OR2T10: variants seen among roughly 807,000 people sequenced by gnomAD.
OR2T10 encodes the protein olfactory receptor 2T10.
For missense variants in OR2T10, 335 were observed against 382.5 expected (o/e 0.88, Z 1.04); for synonymous variants, 125 against 141.8 (o/e 0.88, Z 0.84).
chr1:248,593,781 G>T lies in OR2T10; in HGVS notation c.-13C>A, dbSNP rs1307896019. The stretch of plus-strand genomic sequence containing the variant: ...TGGCCAGCCGCATGCTGTATGATCG[G>T]CTGAAGTGGCTTTACCTGGAGGACA... On this transcript the variant is annotated 5_prime_UTR_variant, in exon 2 of 2. Coordinates refer to ENST00000642090, the MANE Select transcript of OR2T10 (RefSeq NM_001004693.2). 1.4e-6 allele frequency: 2 copies of T among 1,424,020 alleles called. 1 individual carries two copies. Among genetic ancestry groups the T allele is most frequent in the Non-Finnish European group, 1.9e-6 (2 of 1,029,394 alleles). 88.2% of individuals were successfully genotyped at this position (1,424,020 alleles called of 1,614,324 possible).
Position 248,593,435 on chromosome 1 carries a change from A to G in OR2T10, c.334T>C (p.Cys112Arg). 2 of 1,571,776 alleles carry G rather than the reference A, an allele frequency of 1.3e-6. 1 individual carries two copies. The highest frequency in any genetic ancestry group is 3.3e-4 in the Middle Eastern group (2 of 5,974). The change falls in exon 2 of 2, where the codon TGC (cysteine) becomes CGC (arginine). Residue 112 changes from cysteine (C) to arginine (R), a missense_variant. Cys to Arg is a radical substitution (Grantham distance 180). Transcript: ENST00000642090. ...YFYLQLGGAE[C>R]CLLAAMAYDR... The stretch of plus-strand genomic sequence containing the variant: ...TAGGCCATGGCGGCTAGAAGGCAGC[A>G]CTCTGCACCTCCCAACTGCAGGTAG...
At chr1:248,594,732 G>A (rs112558344) in intron 1 of OR2T10, among the ~76,000 whole-genome samples, 3 of 143,528 alleles carry the variant, frequency 2.1e-5, no homozygotes, top group African/African-American at 8.2e-5. Flanking sequence ...AAATGTAATT[G>A]GATTTTACAA....
chr1:248,595,882 A>G (rs1483233088), intron 1 of OR2T10, among the ~76,000 whole-genome samples: 1 of 143,290 alleles, frequency 7.0e-6, no homozygotes, highest in Non-Finnish European at 1.5e-5. Context: ...GTGAAACAGC[A>G]TAGAGGCCCT....
chr1:248,597,506 AAATGT>A lies in OR2T10; in HGVS notation c.-48_-44del, dbSNP rs1660110072. 7.0e-6 allele frequency: 1 copy of A among 143,434 alleles called. No individual in the cohort carries two copies. The highest frequency in any genetic ancestry group is 1.5e-5 in the Non-Finnish European group (1 of 66,344). The allele number at this position is 143,434 out of a possible 1,614,324, so 8.9% of individuals were successfully genotyped here. A position where few individuals can be genotyped will look rare whatever the true frequency, so the allele number is the denominator to read the frequency against. ...TCCTTTCTTACTGGAACAAAGGAAG[AAATGT>A]AATACCCTGAGGAATTTTATTTCCA... On this transcript the variant is annotated 5_prime_UTR_variant, in exon 1 of 2. Transcript: ENST00000642090.
intron 1 of OR2T10, among the ~76,000 whole-genome samples, chr1:248,595,995 C>T (rs1317742201): frequency 2.1e-5 from 3 of 143,150 alleles, no homozygotes; most frequent in Middle Eastern, 3.5e-3. Context: ...ATGTCTGTCC[C>T]GTCAAATAAA....
chr1:248,593,605 A>G lies in OR2T10; in HGVS notation c.164T>C (p.Leu55Pro), dbSNP rs1372302528. The G allele has an allele frequency of 6.4e-7, 1 of 1,565,680 alleles. No homozygotes were observed. Among genetic ancestry groups the G allele is most frequent in the East Asian group, 2.3e-5 (1 of 43,560 alleles). The part of the protein sequence containing the change: ...LILLIHIDSS[L>P]HTPMYFFINQ... Reference sequence around the variant, plus strand: ...TATAAAGAAGTACATGGGAGTATGCAGAGAGGAGTCAATGTGGATCAGAAG... The same window carrying G: ...TATAAAGAAGTACATGGGAGTATGCGGAGAGGAGTCAATGTGGATCAGAAG... The change falls in exon 2 of 2, where the codon CTG becomes CCG. Residue 55 changes from leucine to proline, a missense_variant. By Grantham distance (98) the Leu-to-Pro change is moderately conservative. Transcript: ENST00000642090.
chr1:248,593,340 G>A lies in OR2T10; in HGVS notation c.429C>T (p.Leu143=). 2.5e-6 allele frequency: 4 copies of A among 1,573,386 alleles called. No individual in the cohort carries two copies. Among genetic ancestry groups the A allele is most frequent in the Non-Finnish European group, 3.5e-6 (4 of 1,157,100 alleles). The change falls in exon 2 of 2, where the codon CTC becomes CTT. Residue 143 remains leucine (L), a synonymous_variant. Coordinates refer to ENST00000642090, the MANE Select transcript of OR2T10 (RefSeq NM_001004693.2). The stretch of plus-strand genomic sequence containing the variant: ...CCACAAACCAGCAGCCTGATGCCAG[G>A]AGGAGACATACCCTATGGCTCATGA... The part of the protein sequence containing the change: ...SVLMSHRVCL[L]LASGCWFVGS...
At chr1:248,597,037 A>AT (rs1185509887) in intron 1 of OR2T10, among the ~76,000 whole-genome samples, 1 of 143,916 alleles carries the variant, frequency 6.9e-6, no homozygotes, top group East Asian at 2.0e-4. Flanking sequence ...AGAGGAAAAA[A>AT]TGTTTATAAT....
At chr1:248,595,354 T>C (rs944744247) in intron 1 of OR2T10, among the ~76,000 whole-genome samples, 1 of 143,948 alleles carries the variant, frequency 6.9e-6, no homozygotes, top group Non-Finnish European at 1.5e-5. Context: ...GCTTTTCTTA[T>C]GTAACCTTTT....
rs2103087108 is a variant in OR2T10, at chr1:248,590,855, C to A, written c.*1975G>T. Reference sequence around the variant, plus strand: ...TGATTTTTCATACATTTAAGTTTTGCACAAATCTAAACTGTATATTACATT... The same window carrying A: ...TGATTTTTCATACATTTAAGTTTTGAACAAATCTAAACTGTATATTACATT... On this transcript the variant is annotated 3_prime_UTR_variant, in exon 2 of 2. Transcript: ENST00000642090. The A allele has an allele frequency of 7.2e-6, 1 of 139,410 alleles. No homozygotes were observed. The highest frequency in any genetic ancestry group is 2.0e-4 in the East Asian group (1 of 4,984). The allele number at this position is 139,410 out of a possible 1,614,324, so 8.6% of individuals were successfully genotyped here.
Position 248,592,077 on chromosome 1 carries a change from G to A in OR2T10, c.*753C>T, listed in dbSNP as rs1660017401. On this transcript the variant is annotated 3_prime_UTR_variant, in exon 2 of 2. Transcript: ENST00000642090. Reference sequence around the variant, plus strand: ...TCCATATTTCTCTGGTTAAGTCTATGAATAAACCAATTATACTCCAAACAT... The same window carrying A: ...TCCATATTTCTCTGGTTAAGTCTATAAATAAACCAATTATACTCCAAACAT... 6.9e-6 allele frequency: 1 copy of A among 143,986 alleles called. No individual in the cohort carries two copies. Among genetic ancestry groups the A allele is most frequent in the Non-Finnish European group, 1.5e-5 (1 of 66,448 alleles). The allele number at this position is 143,986 out of a possible 1,614,324, so 8.9% of individuals were successfully genotyped here. A position where few individuals can be genotyped will look rare whatever the true frequency, so the allele number is the denominator to read the frequency against.
At position 248,593,788 on chromosome 1, in the gene OR2T10, T is replaced by A; in HGVS notation, c.-20A>T. The A allele has an allele frequency of 2.2e-6, 3 of 1,338,728 alleles. No homozygotes were observed. The highest frequency in any genetic ancestry group is 2.4e-5 in the South Asian group (2 of 81,870). 82.9% of individuals were successfully genotyped at this position (1,338,728 alleles called of 1,614,324 possible). Reference sequence around the variant, plus strand: ...CCGCATGCTGTATGATCGGCTGAAGTGGCTTTACCTGGAGGACAAAAGTAA... The same window carrying A: ...CCGCATGCTGTATGATCGGCTGAAGAGGCTTTACCTGGAGGACAAAAGTAA... On this transcript the variant is annotated 5_prime_UTR_variant, in exon 2 of 2. Coordinates refer to ENST00000642090, the MANE Select transcript of OR2T10 (RefSeq NM_001004693.2).
rs189074733 is a variant in OR2T10, at chr1:248,594,218, A to G, written c.-28-422T>C. ...GACCCTCAAGAGTCATGTCTGCAAAAAAGGATTAGTAATACTTGTGTTTCT... is the reference window on the plus strand; with the variant it reads ...GACCCTCAAGAGTCATGTCTGCAAAGAAGGATTAGTAATACTTGTGTTTCT... On this transcript the variant is annotated intron_variant, in intron 1 of 1. Coordinates refer to ENST00000642090, the MANE Select transcript of OR2T10 (RefSeq NM_001004693.2). 3.8e-4 allele frequency among the ~76,000 whole-genome samples: 55 copies of G among 143,392 alleles called. 4 individuals are homozygous for G. Among genetic ancestry groups the G allele is most frequent in the Admixed American group, 1.7e-3 (25 of 14,718 alleles). 94.1% of individuals were successfully genotyped at this position (143,392 alleles called of 152,430 possible). A position where few individuals can be genotyped will look rare whatever the true frequency, so the allele number is the denominator to read the frequency against.
At position 248,596,315 on chromosome 1, in the gene OR2T10, C is replaced by T. The variant is rs546542803; in HGVS notation, c.-29+1177G>A. Among the ~76,000 whole-genome samples the T allele has an allele frequency of 4.9e-5, 7 of 143,140 alleles. No homozygotes were observed. The South Asian group carries it at 1.5e-3, about 31-fold the overall frequency. 93.9% of individuals were successfully genotyped at this position (143,140 alleles called of 152,430 possible). On this transcript the variant is annotated intron_variant, in intron 1 of 1. Transcript: ENST00000642090. Reference sequence around the variant, plus strand: ...AGGATAAGACTGGTGCCTGTCAGAGCTAATTAACTCTAGGTCTATGTAAGG... The same window carrying T: ...AGGATAAGACTGGTGCCTGTCAGAGTTAATTAACTCTAGGTCTATGTAAGG...
In OR2T10 at chr1:248,591,079, A is replaced by G. The variant is rs1487447715; in HGVS notation, c.*1751T>C. 7.0e-6 allele frequency: 1 copy of G among 143,420 alleles called. No homozygotes were observed. The highest frequency in any genetic ancestry group is 1.5e-5 in the Non-Finnish European group (1 of 66,334). 8.9% of individuals were successfully genotyped at this position (143,420 alleles called of 1,614,324 possible). A position where few individuals can be genotyped will look rare whatever the true frequency, so the allele number is the denominator to read the frequency against. On this transcript the variant is annotated 3_prime_UTR_variant, in exon 2 of 2. Coordinates refer to ENST00000642090, the MANE Select transcript of OR2T10 (RefSeq NM_001004693.2). Reference sequence around the variant, plus strand: ...ATAATTGGAGTTAGACTCAATCTACATCTAGTTCATCCCTATTACTGAGAC... The same window carrying G: ...ATAATTGGAGTTAGACTCAATCTACGTCTAGTTCATCCCTATTACTGAGAC...
rs1180252925 is a variant in OR2T10, at chr1:248,592,195, T to A, written c.*635A>T. 4.2e-5 allele frequency: 6 copies of A among 144,194 alleles called. No individual in the cohort carries two copies. The highest frequency in any genetic ancestry group is 1.4e-4 in the African/African-American group (5 of 36,740). 8.9% of individuals were successfully genotyped at this position (144,194 alleles called of 1,614,324 possible). ...TGCTCACAGAAAATAAGAATTTGAT[T>A]GAGAACACATTCTAGAAATTCTGAT... On this transcript the variant is annotated 3_prime_UTR_variant, in exon 2 of 2. Coordinates refer to ENST00000642090, the MANE Select transcript of OR2T10 (RefSeq NM_001004693.2).
At position 248,595,396 on chromosome 1, in the gene OR2T10, A is replaced by C. The variant is rs559214007; in HGVS notation, c.-28-1600T>G. Among the ~76,000 whole-genome samples, 48 of 143,426 alleles carry C rather than the reference A, an allele frequency of 3.3e-4. 4 individuals are homozygous for C. Among genetic ancestry groups the C allele is most frequent in the African/African-American group, 1.3e-3 (46 of 36,606 alleles). 94.1% of individuals were successfully genotyped at this position (143,426 alleles called of 152,430 possible). Reference sequence around the variant, plus strand: ...TAATGTACACTTTATATTTTTTATCATTAACTTAAAATTTATAAATAAGAA... The same window carrying C: ...TAATGTACACTTTATATTTTTTATCCTTAACTTAAAATTTATAAATAAGAA... On this transcript the variant is annotated intron_variant, in intron 1 of 1. Transcript: ENST00000642090.
rs1336826579 is a variant in OR2T10, at chr1:248,597,415, TTAA to T, written c.-29+74_-29+76del. 3.5e-5 allele frequency: 5 copies of T among 143,088 alleles called. 2 individuals carry two copies. The highest frequency in any genetic ancestry group is 1.4e-4 in the African/African-American group (5 of 36,480). 8.9% of individuals were successfully genotyped at this position (143,088 alleles called of 1,614,324 possible). ...TATATATTAACTGTTACATTGGTGATTAATATCAATTGATAATATAATTCTATA... is the reference window on the plus strand; with the variant it reads ...TATATATTAACTGTTACATTGGTGATTATCAATTGATAATATAATTCTATA... On this transcript the variant is annotated intron_variant, in intron 1 of 1. Coordinates refer to ENST00000642090, the MANE Select transcript of OR2T10 (RefSeq NM_001004693.2).
At position 248,597,087 on chromosome 1, in the gene OR2T10, A is replaced by AT. The variant is rs1484795528; in HGVS notation, c.-29+404_-29+405insA. Among the ~76,000 whole-genome samples, 3 of 143,866 alleles carry AT rather than the reference A, an allele frequency of 2.1e-5. 1 individual carries two copies. The highest frequency in any genetic ancestry group is 4.5e-5 in the Non-Finnish European group (3 of 66,378). The allele number at this position is 143,866 out of a possible 152,430, so 94.4% of individuals were successfully genotyped here. A position where few individuals can be genotyped will look rare whatever the true frequency, so the allele number is the denominator to read the frequency against. ...CCTGGAAAAATATACCACCAGGAGG[A>AT]AAAGGCTCAAGATCTGAAATCAGTT... is the stretch of plus-strand genomic sequence containing the variant. On this transcript the variant is annotated intron_variant, in intron 1 of 1. Coordinates refer to ENST00000642090, the MANE Select transcript of OR2T10 (RefSeq NM_001004693.2).
Sources: allele counts gnomAD v4.1 joint callset (sites outside exome capture counted in the v4.1 genomes callset), GRCh38; gene constraint gnomAD v4.1.1; transcripts MANE v1.5; gene names NCBI Gene and HGNC (gene_info 2026-07-23, HGNC 2026-07-21).